Variants in TBC1D22A observed in about 807,000 individuals in gnomAD.
The protein encoded by TBC1D22A is putative GTPase activator.
In TBC1D22A, 38 loss-of-function variants were observed where a neutral mutation model predicts 60.2. The observed-to-expected ratio is 0.63, with a 90% CI of 0.49 to 0.83. TBC1D22A has a LOEUF of 0.83. Among genes scored for constraint, TBC1D22A ranks in the 40% least tolerant of loss-of-function variants. The pLI is 0.00. For synonymous variants in TBC1D22A, 302 were observed against 281.7 expected, an observed-to-expected ratio of 1.07 and a Z score of -0.72; for missense variants, 628 against 701.0, an observed-to-expected ratio of 0.90 and a Z score of 1.18.
At chr22:46,775,696 T>C (rs1049301853) in intron 1 of TBC1D22A, among the ~76,000 whole-genome samples, 2 of 152,236 alleles carry the variant, frequency 1.3e-5, no homozygotes, top group African/African-American at 4.8e-5. Flanking sequence ...CTGTAACAGC[T>C]TGTGCATCAG....
chr22:47,059,982 C>T (rs1254301767), intron 11 of TBC1D22A, among the ~76,000 whole-genome samples: 1 of 152,122 alleles, frequency 6.6e-6, no homozygotes, highest in Non-Finnish European at 1.5e-5. Context: ...CACAGCCGCC[C>T]GATCTGCAGG....
At chr22:46,894,921 C>A in intron 7 of TBC1D22A, 75 bp downstream of exon 7, 1 of 1,547,604 alleles carries the variant, frequency 6.5e-7, no homozygotes, top group Non-Finnish European at 8.9e-7. Context: ...AGACAGTGGG[C>A]GCAGCCGGAG....
rs372392637 is a variant in TBC1D22A, at chr22:46,963,393, C to T, written c.1016-10897C>T. ...CCCGCAGTGCCCAAGGCTGGAAAGG[C>T]CCAGGGAGCCTTCAGAGAGCTCTCA... On this transcript the variant is annotated intron_variant, in intron 8 of 12. Coordinates refer to ENST00000337137, the MANE Select transcript of TBC1D22A (RefSeq NM_014346.5). Among the ~76,000 whole-genome samples, 77 of 152,310 alleles carry T rather than the reference C, an allele frequency of 5.1e-4. No individual in the cohort carries two copies. In the East Asian group the frequency reaches 9.7e-3, roughly 19 times the overall value.
intron 8 of TBC1D22A, among the ~76,000 whole-genome samples, chr22:46,955,766 G>T (rs867763058): frequency 6.6e-6 from 1 of 152,324 alleles, no homozygotes; most frequent in Non-Finnish European, 1.5e-5. Flanking sequence ...GTGAGGTGAA[G>T]TTGACACTCT....
intron 11 of TBC1D22A, among the ~76,000 whole-genome samples, chr22:47,060,134 G>A (rs776971143): frequency 3.3e-5 from 5 of 152,016 alleles, no homozygotes; most frequent in African/African-American, 7.2e-5. Flanking sequence ...TGTTGGCTCC[G>A]TTTATCATTA....
intron 8 of TBC1D22A, among the ~76,000 whole-genome samples, chr22:46,962,283 A>G (rs868292273): frequency 6.6e-6 from 1 of 152,370 alleles, no homozygotes; most frequent in Middle Eastern, 3.4e-3. Context: ...TTACCAGACA[A>G]TAAAGAATGT....
chr22:47,110,583 A>C (rs532980901), intron 11 of TBC1D22A, among the ~76,000 whole-genome samples: 11 of 152,298 alleles, frequency 7.2e-5, no homozygotes, highest in African/African-American at 2.6e-4. Flanking sequence ...CCCTCTCTTC[A>C]CACACAAACC....
At chr22:46,979,393 C>A (rs1469920322) in intron 9 of TBC1D22A, among the ~76,000 whole-genome samples, 1 of 152,192 alleles carries the variant, frequency 6.6e-6, no homozygotes, top group African/African-American at 2.4e-5. Context: ...CTTCCAGAGA[C>A]CCGCGTTTGA....
chr22:46,874,044 T>C (rs542071831), intron 4 of TBC1D22A, among the ~76,000 whole-genome samples: 43 of 152,320 alleles, frequency 2.8e-4, no homozygotes, highest in African/African-American at 9.9e-4. Flanking sequence ...TCTCCTGACC[T>C]CGTGATCGGC....
At chr22:46,799,835 C>T (rs760121372) in intron 4 of TBC1D22A, among the ~76,000 whole-genome samples, 3 of 152,202 alleles carry the variant, frequency 2.0e-5, no homozygotes, top group Non-Finnish European at 4.4e-5. Flanking sequence ...GTCATCACAG[C>T]GGGGGCACGT....
intron 7 of TBC1D22A, among the ~76,000 whole-genome samples, chr22:46,911,171 G>C (rs546548642): frequency 6.6e-6 from 1 of 152,116 alleles, no homozygotes; most frequent in African/African-American, 2.4e-5. Flanking sequence ...GAGCGAGTAG[G>C]TGGGAATAAG....
chr22:46,849,407 ATCCCATTACC>A (rs1243675673), intron 4 of TBC1D22A, among the ~76,000 whole-genome samples: 2 of 152,162 alleles, frequency 1.3e-5, no homozygotes, highest in Non-Finnish European at 2.9e-5. Context: ...GAGGCCTCAG[ATCCCATTACC>A]TCCCAGGACA....
In TBC1D22A at chr22:46,959,411, CAG is replaced by C. The variant is rs565802804; in HGVS notation, c.1016-14878_1016-14877del. On this transcript the variant is annotated intron_variant, in intron 8 of 12. Coordinates refer to ENST00000337137, the MANE Select transcript of TBC1D22A (RefSeq NM_014346.5). ...GCCAGGTGCAGGTGGTGTCAGGACA[CAG>C]GGTGTGGGTGTGGCTGCCGCAGCGG... Among the ~76,000 whole-genome samples, 694 of 152,310 alleles carry C rather than the reference CAG, an allele frequency of 4.6e-3. 6 individuals carry two copies. Among genetic ancestry groups the C allele is most frequent in the African/African-American group, 0.015 (634 of 41,580 alleles).
intron 4 of TBC1D22A, among the ~76,000 whole-genome samples, chr22:46,857,610 A>G (rs1372327317): frequency 6.6e-6 from 1 of 152,182 alleles, no homozygotes; most frequent in East Asian, 1.9e-4. Flanking sequence ...GAACAATTTC[A>G]TCATCTCACA....
rs1040919887 is a variant in TBC1D22A at position 46,792,894 on chromosome 22, C to G, written c.119+318C>G. ...CCATCCATGCTGGCTTGTCCTTTCC[C>G]CTCCTCCTTCCCGCATTCTCCACCA... On this transcript the variant is annotated intron_variant, in intron 2 of 12. Coordinates refer to ENST00000337137, the MANE Select transcript of TBC1D22A (RefSeq NM_014346.5). 2.7e-5 allele frequency: 38 copies of G among 1,412,904 alleles called. No homozygotes were observed. The African/African-American group carries it at 5.3e-4, about 20-fold the overall frequency. 87.5% of individuals were successfully genotyped at this position (1,412,904 alleles called of 1,614,324 possible).
At chr22:47,077,742 G>C (rs1299432572) in intron 11 of TBC1D22A, among the ~76,000 whole-genome samples, 3 of 152,172 alleles carry the variant, frequency 2.0e-5, no homozygotes. Context: ...GGATCAGTGA[G>C]CAGGGCCATT....
At chr22:47,085,925 C>T (rs565128633) in intron 11 of TBC1D22A, among the ~76,000 whole-genome samples, 5 of 152,330 alleles carry the variant, frequency 3.3e-5, no homozygotes, top group African/African-American at 1.2e-4. Context: ...TCCACCCATA[C>T]GTACATGTGC....
At chr22:47,100,193 G>A (rs2065357092) in intron 11 of TBC1D22A, among the ~76,000 whole-genome samples, 1 of 152,202 alleles carries the variant, frequency 6.6e-6, no homozygotes, top group Non-Finnish European at 1.5e-5. Flanking sequence ...GCCATGCAGG[G>A]GTGAGGCGTC....
intron 8 of TBC1D22A, among the ~76,000 whole-genome samples, chr22:46,950,086 C>CAGG (rs2072807281): frequency 6.6e-6 from 1 of 152,180 alleles, no homozygotes; most frequent in Admixed American, 6.5e-5. Flanking sequence ...GGGTGGACTC[C>CAGG]AGGAGACCAG....
Sources: gnomAD v4.1 joint callset for allele counts (sites outside exome capture counted in the v4.1 genomes callset) on GRCh38, gnomAD v4.1.1 for gene constraint, MANE v1.5 for transcripts, NCBI Gene and HGNC (gene_info 2026-07-23, HGNC 2026-07-21) for gene names.